DPT: variants seen among roughly 807,000 people sequenced by gnomAD.
DPT encodes tyrosine-rich acidic matrix protein.
DPT carries 21 observed loss-of-function variants against 31.2 expected under a neutral mutation model. That is an observed-to-expected ratio of 0.67 (90% CI 0.48 to 0.97). The LOEUF is 0.97. Among genes scored for constraint, DPT ranks in the 50% least tolerant of loss-of-function variants. The pLI, the probability that DPT is intolerant of heterozygous loss-of-function variation, is 0.00. For synonymous variants in DPT, 91 were observed against 86.9 expected (o/e 1.05, Z -0.26); for missense variants, 262 against 258.8 (o/e 1.01, Z -0.08).
chr1:168,712,804 T>G (rs936408266), intron 2 of DPT, among the ~76,000 whole-genome samples: 12 of 152,218 alleles, frequency 7.9e-5, no homozygotes, highest in Non-Finnish European at 1.3e-4. Flanking sequence ...CTTGGCAGTG[T>G]GTTCATGAAT....
intron 2 of DPT, among the ~76,000 whole-genome samples, chr1:168,704,252 A>G (rs1649666110): frequency 6.6e-6 from 1 of 152,194 alleles, no homozygotes; most frequent in Non-Finnish European, 1.5e-5. Flanking sequence ...TTCCTAGACC[A>G]ATTAAAACAA....
intron 3 of DPT, among the ~76,000 whole-genome samples, chr1:168,697,166 A>T (rs1310001818): frequency 6.6e-6 from 1 of 152,110 alleles, no homozygotes; most frequent in Non-Finnish European, 1.5e-5. Flanking sequence ...TGGGAGGCTG[A>T]GGTGGGAGGA....
intron 1 of DPT, among the ~76,000 whole-genome samples, chr1:168,727,046 G>C (rs1056817571): frequency 6.6e-6 from 1 of 152,180 alleles, no homozygotes; most frequent in Non-Finnish European, 1.5e-5. Flanking sequence ...TCCCTCTGGG[G>C]CTGGGCTTCT....
In DPT at chr1:168,704,992, T is replaced by C. The variant is rs533511887; in HGVS notation, c.432-3868A>G. 3.3e-5 allele frequency among the ~76,000 whole-genome samples: 5 copies of C among 152,304 alleles called. No homozygotes were observed. In the South Asian group the frequency reaches 6.2e-4, roughly 19 times the overall value. ...CTCCGTTGCCACAAGAACAGACATATTGCAGAGCTGAGTCCAGGTATACGC... is the reference window on the plus strand; with the variant it reads ...CTCCGTTGCCACAAGAACAGACATACTGCAGAGCTGAGTCCAGGTATACGC... On this transcript the variant is annotated intron_variant, in intron 2 of 3. Transcript: ENST00000367817.
intron 1 of DPT, among the ~76,000 whole-genome samples, chr1:168,718,460 A>G (rs1205641800): frequency 6.6e-6 from 1 of 152,254 alleles, no homozygotes; most frequent in African/African-American, 2.4e-5. Flanking sequence ...AAAGTTAGAT[A>G]ACCAAACATA....
chr1:168,707,240 A>G (rs1328903283), intron 2 of DPT, among the ~76,000 whole-genome samples: 2 of 152,212 alleles, frequency 1.3e-5, no homozygotes, highest in African/African-American at 4.8e-5. Flanking sequence ...AGTGTCAATA[A>G]ATAAATATTA....
At position 168,701,002 on chromosome 1, in the gene DPT, G is replaced by T. The variant is rs1012118582; in HGVS notation, c.539+15C>A. The T allele has an allele frequency of 1.9e-6, 3 of 1,595,912 alleles. No individual in the cohort carries two copies. Among genetic ancestry groups the T allele is most frequent in the Non-Finnish European group, 2.6e-6 (3 of 1,163,996 alleles). Reference sequence around the variant, plus strand: ...CTTTAACCCTAGCCCATTGGGAAGGGGCTGTCTTTCTCACCTTTCCACTGC... The same window carrying T: ...CTTTAACCCTAGCCCATTGGGAAGGTGCTGTCTTTCTCACCTTTCCACTGC... On this transcript the variant is annotated intron_variant, in intron 3 of 3. Transcript: ENST00000367817.
intron 2 of DPT, among the ~76,000 whole-genome samples, chr1:168,709,746 G>A (rs919251979): frequency 4.6e-5 from 7 of 152,200 alleles, no homozygotes; most frequent in Non-Finnish European, 1.0e-4. Flanking sequence ...CACCCACATG[G>A]GTCCAGTTCC....
intron 1 of DPT, among the ~76,000 whole-genome samples, chr1:168,719,631 A>G (rs2101910082): frequency 6.6e-6 from 1 of 152,116 alleles, no homozygotes; most frequent in South Asian, 2.1e-4. Flanking sequence ...AGGCCCCTTC[A>G]TGGATGTGAG....
chr1:168,714,422 A>G (rs893272614), intron 1 of DPT, 76 bp from the exon 2 acceptor site: 8 of 1,557,918 alleles, frequency 5.1e-6, no homozygotes, highest in Non-Finnish European at 7.0e-6. Context: ...CCACTGCCAC[A>G]GTTACACACT....
At position 168,716,384 on chromosome 1, in the gene DPT, C is replaced by A. The variant is rs112399577; in HGVS notation, c.306-2038G>T. Among the ~76,000 whole-genome samples the A allele has an allele frequency of 4.6e-3, 696 of 152,090 alleles. 6 individuals are homozygous for A. Among genetic ancestry groups the A allele is most frequent in the African/African-American group, 0.016 (647 of 41,488 alleles). ...TAGCTTGAATTCCCTGTTCCCAGGACTTGTAAGAAGTTCTGGCAGACTAGA... is the reference window on the plus strand; with the variant it reads ...TAGCTTGAATTCCCTGTTCCCAGGAATTGTAAGAAGTTCTGGCAGACTAGA... On this transcript the variant is annotated intron_variant, in intron 1 of 3. Coordinates refer to ENST00000367817, the MANE Select transcript of DPT (RefSeq NM_001937.5).
intron 1 of DPT, among the ~76,000 whole-genome samples, chr1:168,722,647 C>T (rs1650144546): frequency 6.6e-6 from 1 of 152,134 alleles, no homozygotes; most frequent in Admixed American, 6.6e-5. Context: ...CCCCTAAGGA[C>T]ACAAGTTAAT....
Position 168,696,397 on chromosome 1 carries a change from G to GGCC in DPT, c.*149_*151dup. On this transcript the variant is annotated 3_prime_UTR_variant, in exon 4 of 4. Transcript: ENST00000367817. ...TTAGAAGTGTGATACTAGTCAGAAA[G>GGCC]GCCCAGGAAGTTGGCATTGCAGTTA... 4.8e-6 allele frequency: 3 copies of GGCC among 623,850 alleles called. No individual in the cohort carries two copies. Among genetic ancestry groups the GGCC allele is most frequent in the South Asian group, 4.0e-5 (2 of 49,466 alleles). 38.6% of individuals were successfully genotyped at this position (623,850 alleles called of 1,614,324 possible).
chr1:168,702,931 A>G (rs1649636085), intron 2 of DPT, among the ~76,000 whole-genome samples: 1 of 152,178 alleles, frequency 6.6e-6, no homozygotes, highest in South Asian at 2.1e-4. Flanking sequence ...TCTTATAAGT[A>G]GAACTAATAG....
At chr1:168,722,710 T>C (rs1239732859) in intron 1 of DPT, among the ~76,000 whole-genome samples, 2 of 152,164 alleles carry the variant, frequency 1.3e-5, no homozygotes, top group Non-Finnish European at 2.9e-5. Context: ...GGGAGGTGTG[T>C]TTTAGTTGTG....
intron 1 of DPT, among the ~76,000 whole-genome samples, chr1:168,714,577 C>T (rs374337851): frequency 6.6e-6 from 1 of 152,250 alleles, no homozygotes; most frequent in East Asian, 1.9e-4. Flanking sequence ...GGAACACTGC[C>T]CCTGTCATAC....
intron 2 of DPT, among the ~76,000 whole-genome samples, chr1:168,702,163 T>G (rs1649613151): frequency 6.6e-6 from 1 of 152,210 alleles, no homozygotes; most frequent in African/African-American, 2.4e-5. Flanking sequence ...CAGGGACGCT[T>G]GGAAAACAAC....
intron 2 of DPT, among the ~76,000 whole-genome samples, chr1:168,713,326 T>C (rs1649906840): frequency 6.6e-6 from 1 of 152,224 alleles, no homozygotes; most frequent in African/African-American, 2.4e-5. Flanking sequence ...GTTAAGCTTT[T>C]GGGGCTTTGT....
chr1:168,716,267 C>A (rs1050735943), intron 1 of DPT, among the ~76,000 whole-genome samples: 1 of 152,122 alleles, frequency 6.6e-6, no homozygotes, highest in Non-Finnish European at 1.5e-5. Context: ...TTAAACATCT[C>A]ATACTCTACT....
Sources: allele counts gnomAD v4.1 joint callset (sites outside exome capture counted in the v4.1 genomes callset), GRCh38; gene constraint gnomAD v4.1.1; transcripts MANE v1.5; gene names NCBI Gene and HGNC (gene_info 2026-07-23, HGNC 2026-07-21).